Variants in MAD2L1 observed in about 807,000 individuals in gnomAD.
MAD2L1 encodes mitotic arrest deficient 2 like 1.
Under a neutral mutation model 25.9 loss-of-function variants are expected in MAD2L1, and 10 were observed. That is an observed-to-expected ratio of 0.39 (90% CI 0.24 to 0.66). The LOEUF (loss-of-function observed/expected upper bound fraction) is 0.66. Ranked by LOEUF, MAD2L1 falls within the 30% of genes least tolerant of loss-of-function variation. MAD2L1 has a pLI of 0.49. For missense variants in MAD2L1, 180 were observed against 246.4 expected (o/e 0.73, Z 1.80); for synonymous variants, 81 against 91.8 (o/e 0.88, Z 0.67).
chr4:120,063,609 A>G (rs1243941518), intron 2 of MAD2L1, among the ~76,000 whole-genome samples: 1 of 152,178 alleles, frequency 6.6e-6, no homozygotes, highest in African/African-American at 2.4e-5. Flanking sequence ...GAGAGATGAA[A>G]CCAATGGGGA....
chr4:120,065,291 AAATT>A (rs1198911349), intron 2 of MAD2L1, among the ~76,000 whole-genome samples: 1 of 152,202 alleles, frequency 6.6e-6, no homozygotes, highest in Non-Finnish European at 1.5e-5. Flanking sequence ...AGACTACAGA[AAATT>A]AATTAGTTAC....
chr4:120,064,893 AGAT>A (rs760204575), intron 2 of MAD2L1, among the ~76,000 whole-genome samples: 2 of 152,204 alleles, frequency 1.3e-5, no homozygotes, highest in Non-Finnish European at 2.9e-5. Flanking sequence ...TAAAAAAAAA[AGAT>A]GGCTGCTGTA....
At chr4:120,064,182 C>CA (rs1261313789) in intron 2 of MAD2L1, among the ~76,000 whole-genome samples, 2 of 152,146 alleles carry the variant, frequency 1.3e-5, no homozygotes, top group Non-Finnish European at 2.9e-5. Context: ...AAGATAAAAA[C>CA]ACACATCCAT....
intron 1 of MAD2L1, among the ~76,000 whole-genome samples, 196 bp from the exon 2 acceptor site, chr4:120,066,014 G>C (rs1174118972): frequency 7.0e-6 from 1 of 143,866 alleles, no homozygotes; most frequent in Non-Finnish European, 1.5e-5. Context: ...AAGTAAAACA[G>C]ATAATTGCTT....
intron 2 of MAD2L1, among the ~76,000 whole-genome samples, chr4:120,063,469 C>A (rs1726259402): frequency 6.6e-6 from 1 of 152,150 alleles, no homozygotes. Flanking sequence ...AGCTTGTGGG[C>A]AGTGCAAAAA....
rs1188234793 is a variant in MAD2L1, at chr4:120,058,247, T to C, written c.*1871A>G. On this transcript the variant is annotated 3_prime_UTR_variant, in exon 5 of 5. Coordinates refer to ENST00000296509, the MANE Select transcript of MAD2L1 (RefSeq NM_002358.4). ...TCTCCAGAAACCTCAGAGTAAATAG[T>C]AGCATGCAAATGATACAAAAATCTA... 6.6e-6 allele frequency: 1 copy of C among 152,338 alleles called. No homozygotes were observed. Among genetic ancestry groups the C allele is most frequent in the Non-Finnish European group, 1.5e-5 (1 of 68,028 alleles). 9.4% of individuals were successfully genotyped at this position (152,338 alleles called of 1,614,324 possible).
chr4:120,063,761 C>T (rs1357018578), intron 2 of MAD2L1, among the ~76,000 whole-genome samples: 1 of 152,182 alleles, frequency 6.6e-6, no homozygotes, highest in Admixed American at 6.5e-5. Context: ...CCTGTAATCC[C>T]AGCACTTTGG....
At chr4:120,062,610 C>G (rs1318832410) in intron 2 of MAD2L1, among the ~76,000 whole-genome samples, 1 of 152,160 alleles carries the variant, frequency 6.6e-6, no homozygotes, top group Non-Finnish European at 1.5e-5. Flanking sequence ...CAGCCCACTA[C>G]AAGTGCAATC....
Position 120,060,934 on chromosome 4 carries a change from G to T in MAD2L1, c.385C>A (p.Arg129Ser), listed in dbSNP as rs773286573. ...KSQKAIQDEI[R>S]SVIRQITATV... ...GCTGTGATCTGTCTGATCACTGAAC[G>T]GATTTCATCCTGGATAGCTTTCTGA... The change falls in exon 4 of 5, where the codon CGT becomes AGT. Residue 129 changes from arginine to serine, a missense_variant. Coordinates refer to ENST00000296509, the MANE Select transcript of MAD2L1 (RefSeq NM_002358.4). 1 of 1,611,124 alleles carries T rather than the reference G, an allele frequency of 6.2e-7. No homozygotes were observed. The highest frequency in any genetic ancestry group is 1.7e-5 in the Admixed American group (1 of 59,964).
chr4:120,064,138 T>C (rs935492598), intron 2 of MAD2L1, among the ~76,000 whole-genome samples: 3 of 152,288 alleles, frequency 2.0e-5, no homozygotes, highest in Non-Finnish European at 4.4e-5. Flanking sequence ...CTAAAAACCA[T>C]TGGCTTAGGC....
chr4:120,065,568 T>C (rs1482449169), intron 2 of MAD2L1, 104 bp downstream of exon 2: 14 of 937,976 alleles, frequency 1.5e-5, no homozygotes, highest in Non-Finnish European at 1.9e-5. Context: ...CAATTGAAAA[T>C]ATATTTGAGA....
rs934987347 is a variant in MAD2L1, at chr4:120,056,210, A to G, written c.*3908T>C. 3.3e-5 allele frequency: 5 copies of G among 152,150 alleles called. No homozygotes were observed. The highest frequency in any genetic ancestry group is 7.4e-5 in the Non-Finnish European group (5 of 68,022). The allele number at this position is 152,150 out of a possible 1,614,324, so 9.4% of individuals were successfully genotyped here. A position where few individuals can be genotyped will look rare whatever the true frequency, so the allele number is the denominator to read the frequency against. ...ACTAAACTTCAAAAACCACGACACA[A>G]TTTGCATGCCCATTGACCCCCAGTT... is the stretch of plus-strand genomic sequence containing the variant. On this transcript the variant is annotated 3_prime_UTR_variant, in exon 5 of 5. Transcript: ENST00000296509.
In MAD2L1 at chr4:120,057,662, TTC is replaced by T. The variant is rs1310601929; in HGVS notation, c.*2454_*2455del. 2.0e-5 allele frequency: 3 copies of T among 152,238 alleles called. No individual in the cohort carries two copies. The highest frequency in any genetic ancestry group is 4.4e-5 in the Non-Finnish European group (3 of 68,084). 9.4% of individuals were successfully genotyped at this position (152,238 alleles called of 1,614,324 possible). A position where few individuals can be genotyped will look rare whatever the true frequency, so the allele number is the denominator to read the frequency against. ...AGGCCTATCATGCTGTCTTAGAACC[TTC>T]TCTTTAACATGGTGTAGAAACCACT... is the stretch of plus-strand genomic sequence containing the variant. On this transcript the variant is annotated 3_prime_UTR_variant, in exon 5 of 5. Coordinates refer to ENST00000296509, the MANE Select transcript of MAD2L1 (RefSeq NM_002358.4).
At chr4:120,064,712 A>G (rs996784047) in intron 2 of MAD2L1, among the ~76,000 whole-genome samples, 2 of 152,186 alleles carry the variant, frequency 1.3e-5, no homozygotes, top group African/African-American at 4.8e-5. Context: ...TGGCAAGGCA[A>G]TGTTAACAGT....
Position 120,060,252 on chromosome 4 carries a change from C to G in MAD2L1, c.484G>C (p.Val162Leu). 11 of 1,612,790 alleles carry G rather than the reference C, an allele frequency of 6.8e-6. No homozygotes were observed. The highest frequency in any genetic ancestry group is 8.5e-6 in the Non-Finnish European group (10 of 1,179,156). Residue 162 changes from valine (V) to leucine (L), a missense_variant, in exon 5 of 5, where the codon GTT (valine) becomes CTT (leucine). Coordinates refer to ENST00000296509, the MANE Select transcript of MAD2L1 (RefSeq NM_002358.4). Reference protein sequence around the residue: ...DLLIYTDKDLVVPEKWEESGP... With the variant: ...DLLIYTDKDLLVPEKWEESGP... ...GACTCTTCCCATTTTTCAGGTACAA[C>G]CAAATCTTTGTCTGTATAAATCAGC...
chr4:120,063,773 A>T (rs1726264941), intron 2 of MAD2L1, among the ~76,000 whole-genome samples: 1 of 152,198 alleles, frequency 6.6e-6, no homozygotes, highest in Non-Finnish European at 1.5e-5. Context: ...GCACTTTGGG[A>T]GGCAGAGGTG....
At position 120,066,840 on chromosome 4, in the gene MAD2L1, C is replaced by T; in HGVS notation, c.-106G>A. On this transcript the variant is annotated 5_prime_UTR_variant, in exon 1 of 5. It adds an upstream start codon to the 5' untranslated region. Transcript: ENST00000296509. The stretch of plus-strand genomic sequence containing the variant: ...GCGTTTCAAAAGTAACGACGCAGCA[C>T]GTCGTCAGGTCCTTTGCGCAGGCGC... The T allele has an allele frequency of 2.5e-6, 2 of 798,850 alleles. No individual in the cohort carries two copies. The highest frequency in any genetic ancestry group is 2.1e-6 in the Non-Finnish European group (1 of 483,824). The allele number at this position is 798,850 out of a possible 1,614,324, so 49.5% of individuals were successfully genotyped here.
Position 120,059,139 on chromosome 4 carries a change from G to C in MAD2L1, c.*979C>G, listed in dbSNP as rs1316212130. Reference sequence around the variant, plus strand: ...AAGTAGGCTGACAATAAGGCTAAGAGTATAGTAAAGTACTAAAATCAACAC... The same window carrying C: ...AAGTAGGCTGACAATAAGGCTAAGACTATAGTAAAGTACTAAAATCAACAC... On this transcript the variant is annotated 3_prime_UTR_variant, in exon 5 of 5. Transcript: ENST00000296509. 2.6e-5 allele frequency: 4 copies of C among 152,174 alleles called. No homozygotes were observed. The highest frequency in any genetic ancestry group is 5.9e-5 in the Non-Finnish European group (4 of 68,022). The allele number at this position is 152,174 out of a possible 1,614,324, so 9.4% of individuals were successfully genotyped here. A position where few individuals can be genotyped will look rare whatever the true frequency, so the allele number is the denominator to read the frequency against.
chr4:120,065,021 A>C (rs1726291309), intron 2 of MAD2L1, among the ~76,000 whole-genome samples: 1 of 152,226 alleles, frequency 6.6e-6, no homozygotes, highest in African/African-American at 2.4e-5. Flanking sequence ...TAGAAAGGAA[A>C]AAGAAATCGA....
Sources: gnomAD v4.1 joint callset for allele counts (sites outside exome capture counted in the v4.1 genomes callset) on GRCh38, gnomAD v4.1.1 for gene constraint, MANE v1.5 for transcripts, NCBI Gene and HGNC (gene_info 2026-07-23, HGNC 2026-07-21) for gene names.